AOAH: variants seen among roughly 807,000 people sequenced by gnomAD.
AOAH encodes acyloxyacyl hydrolase.
A neutral mutation model predicts 92.2 loss-of-function variants in AOAH; 64 were observed. That is an observed-to-expected ratio of 0.69 (90% confidence interval 0.57 to 0.86). AOAH has a LOEUF of 0.86. AOAH is among the 40% of genes least tolerant of loss of function. AOAH has a pLI of 0.00. For synonymous variants in AOAH, 263 were observed against 254.5 expected (o/e 1.03, Z -0.32); for missense variants, 656 against 694.6 (o/e 0.94, Z 0.62).
intron 13 of AOAH, among the ~76,000 whole-genome samples, chr7:36,562,077 G>A (rs1030279630): frequency 1.3e-5 from 2 of 152,114 alleles, no homozygotes; most frequent in African/African-American, 4.8e-5. Context: ...AAGTTCTTGC[G>A]CCTTCCACTA....
chr7:36,515,288 C>A (rs1783551391), intron 20 of AOAH, among the ~76,000 whole-genome samples: 1 of 127,432 alleles, frequency 7.8e-6, no homozygotes, highest in African/African-American at 3.0e-5. Flanking sequence ...ACACTACACA[C>A]ACACCACACA....
intron 3 of AOAH, among the ~76,000 whole-genome samples, chr7:36,672,900 G>A (rs893975999): frequency 2.6e-5 from 4 of 152,114 alleles, no homozygotes; most frequent in Middle Eastern, 3.4e-3. Context: ...TGTATTATAT[G>A]ATAATGAATG....
At chr7:36,618,398 C>T in intron 9 of AOAH, 53 bp from the exon 10 acceptor site, 1 of 1,531,426 alleles carries the variant, frequency 6.5e-7, no homozygotes, top group Non-Finnish European at 9.0e-7. Context: ...TTATGAGATA[C>T]ATATACTAAA....
At position 36,513,308 on chromosome 7, in the gene AOAH, C is replaced by G. The variant is rs748413588; in HGVS notation, c.1672G>C (p.Glu558Gln). 1 of 1,614,176 alleles carries G rather than the reference C, an allele frequency of 6.2e-7. No individual in the cohort carries two copies. Among genetic ancestry groups the G allele is most frequent in the Non-Finnish European group, 8.5e-7 (1 of 1,180,030 alleles). ...QLQWPQILGK[E>Q]NPFNPQIKQV... ...TTAATCTGGGGGTTGAACGGATTCT[C>G]CTTTCCCAGGATTTGGGGCCACTGG... The change falls in exon 21 of 21, where the codon GAG becomes CAG. Residue 558 changes from glutamate (E) to glutamine (Q), a missense_variant. Coordinates refer to ENST00000617537, the MANE Select transcript of AOAH (RefSeq NM_001637.4).
chr7:36,528,322 C>T (rs1784508396), intron 19 of AOAH, among the ~76,000 whole-genome samples: 1 of 152,204 alleles, frequency 6.6e-6, no homozygotes, highest in Non-Finnish European at 1.5e-5. Flanking sequence ...CTTAATTCAA[C>T]TTTTTGCTTT....
intron 3 of AOAH, among the ~76,000 whole-genome samples, chr7:36,664,178 TAAAA>T: frequency 6.6e-6 from 1 of 152,296 alleles, no homozygotes; most frequent in South Asian, 2.1e-4. Flanking sequence ...TTGTACTATG[TAAAA>T]AGTTATCACA....
intron 13 of AOAH, among the ~76,000 whole-genome samples, chr7:36,570,592 A>G (rs1043407181): frequency 2.0e-5 from 3 of 152,190 alleles, no homozygotes; most frequent in Non-Finnish European, 4.4e-5. Flanking sequence ...TTTCCGTAGC[A>G]GCTATACCAC....
At chr7:36,586,578 T>C (rs1789339323) in intron 12 of AOAH, among the ~76,000 whole-genome samples, 1 of 152,158 alleles carries the variant, frequency 6.6e-6, no homozygotes, top group African/African-American at 2.4e-5. Context: ...AGCCTCTCTG[T>C]CTTCAGCTAT....
chr7:36,639,938 C>T (rs11764797), intron 4 of AOAH, among the ~76,000 whole-genome samples: 29,310 of 152,046 alleles, frequency 0.19, 2,881 homozygotes, highest in Middle Eastern at 0.21. Context: ...TAACCAAGCT[C>T]GGTTCTCTGG....
chr7:36,513,793 C>T (rs554811029), intron 20 of AOAH, among the ~76,000 whole-genome samples: 21 of 152,284 alleles, frequency 1.4e-4, no homozygotes, highest in Admixed American at 4.6e-4. Context: ...GATGAGTCCC[C>T]GGATGAGAAC....
intron 4 of AOAH, among the ~76,000 whole-genome samples, chr7:36,654,455 C>T (rs889427722): frequency 5.3e-5 from 8 of 152,138 alleles, no homozygotes; most frequent in African/African-American, 1.9e-4. Flanking sequence ...AGAAGTGGGC[C>T]TGGAATTTCA....
intron 1 of AOAH, among the ~76,000 whole-genome samples, chr7:36,704,959 A>G (rs1198400577): frequency 6.6e-6 from 1 of 152,208 alleles, no homozygotes; most frequent in African/African-American, 2.4e-5. Context: ...CATGCTAAAA[A>G]CACTCAATAA....
chr7:36,540,307 TCAAAC>T lies in AOAH; in HGVS notation c.1306+7_1306+11del. 6.2e-7 allele frequency: 1 copy of T among 1,602,452 alleles called. No homozygotes were observed. On this transcript the variant is annotated splice_region_variant and intron_variant, in intron 16 of 20. Transcript: ENST00000617537. The stretch of plus-strand genomic sequence containing the variant: ...ATGTTATTAAAGAGTAAAAGAATCT[TCAAAC>T]TGATACCGAGAGGATGATATCTGTT...
intron 6 of AOAH, among the ~76,000 whole-genome samples, chr7:36,629,275 A>G (rs550128689): frequency 6.6e-6 from 1 of 152,320 alleles, no homozygotes; most frequent in South Asian, 2.1e-4. Context: ...TTCAAATTGG[A>G]CCAAGAAAAT....
At chr7:36,558,043 T>C (rs903931286) in intron 13 of AOAH, among the ~76,000 whole-genome samples, 4 of 152,256 alleles carry the variant, frequency 2.6e-5, no homozygotes, top group Non-Finnish European at 5.9e-5. Context: ...TGTGTTCCTT[T>C]GGAGGAGGAG....
intron 6 of AOAH, among the ~76,000 whole-genome samples, chr7:36,630,319 G>A (rs1415324035): frequency 6.6e-6 from 1 of 152,224 alleles, no homozygotes; most frequent in Non-Finnish European, 1.5e-5. Flanking sequence ...TCACCTCTGT[G>A]TGTTCTCAGC....
At chr7:36,600,324 C>T (rs1790458426) in intron 11 of AOAH, among the ~76,000 whole-genome samples, 1 of 152,196 alleles carries the variant, frequency 6.6e-6, no homozygotes, top group South Asian at 2.1e-4. Flanking sequence ...CAAACAGCAG[C>T]AAATTAAATG....
chr7:36,687,169 C>G (rs7782707), intron 1 of AOAH, among the ~76,000 whole-genome samples: 2,777 of 152,234 alleles, frequency 0.018, 98 homozygotes, highest in African/African-American at 0.064. Flanking sequence ...CTAGGATTAA[C>G]TCCTGACTTA....
chr7:36,689,697 C>T (rs1365881920), intron 1 of AOAH, among the ~76,000 whole-genome samples: 2 of 152,174 alleles, frequency 1.3e-5, no homozygotes, highest in African/African-American at 4.8e-5. Flanking sequence ...AGAAGAGGCA[C>T]TCCCAAGAGA....
Sources: gnomAD v4.1 joint callset for allele counts (sites outside exome capture counted in the v4.1 genomes callset) on GRCh38, gnomAD v4.1.1 for gene constraint, MANE v1.5 for transcripts, NCBI Gene and HGNC (gene_info 2026-07-23, HGNC 2026-07-21) for gene names.